CDKAL1: variants seen among roughly 807,000 people sequenced by gnomAD.
CDKAL1 encodes the protein CDKAL1 threonylcarbamoyladenosine tRNA methylthiotransferase.
CDKAL1 carries 32 observed loss-of-function variants against 68.2 expected under a neutral mutation model. That is an observed-to-expected ratio of 0.47 (90% confidence interval 0.35 to 0.63). CDKAL1 has a LOEUF of 0.63. CDKAL1 is among the 30% of genes least tolerant of loss of function. CDKAL1 has a pLI of 0.00. For missense variants in CDKAL1, 606 were observed against 696.7 expected, an observed-to-expected ratio of 0.87 and a Z score of 1.47; for synonymous variants, 234 against 244.3, an observed-to-expected ratio of 0.96 and a Z score of 0.39.
chr6:21,160,991 T>G (rs1776900960), intron 13 of CDKAL1, among the ~76,000 whole-genome samples: 2 of 139,470 alleles, frequency 1.4e-5, no homozygotes, highest in Non-Finnish European at 3.2e-5. Flanking sequence ...AAAATGCAAA[T>G]TAAGAAAAAA....
intron 10 of CDKAL1, among the ~76,000 whole-genome samples, chr6:20,974,955 G>A (rs1368473953): frequency 7.0e-6 from 1 of 142,068 alleles, no homozygotes; most frequent in Admixed American, 7.2e-5. Flanking sequence ...CTCCAGCCTG[G>A]GTGACAGAGG....
chr6:20,992,552 AATG>A (rs1264591219), intron 10 of CDKAL1, among the ~76,000 whole-genome samples: 7 of 152,180 alleles, frequency 4.6e-5, no homozygotes, highest in Non-Finnish European at 4.4e-5. Context: ...TTTTGCATGA[AATG>A]ATATATTTAA....
chr6:20,538,934 A>T (rs1321474691), intron 2 of CDKAL1, among the ~76,000 whole-genome samples: 2 of 152,238 alleles, frequency 1.3e-5, no homozygotes, highest in Non-Finnish European at 2.9e-5. Context: ...ACTGAAAAAG[A>T]GATGATGCCT....
At chr6:21,103,505 G>A (rs1296900064) in intron 12 of CDKAL1, among the ~76,000 whole-genome samples, 1 of 151,996 alleles carries the variant, frequency 6.6e-6, no homozygotes, top group Non-Finnish European at 1.5e-5. Flanking sequence ...TTTATGAAGT[G>A]CCTGTAAGAT....
At chr6:20,967,284 T>G (rs1000161503) in intron 10 of CDKAL1, among the ~76,000 whole-genome samples, 7 of 152,192 alleles carry the variant, frequency 4.6e-5, no homozygotes, top group African/African-American at 1.7e-4. Context: ...TTACATCTTT[T>G]TAGGGGACAC....
intron 6 of CDKAL1, among the ~76,000 whole-genome samples, chr6:20,747,546 G>A (rs750986552): frequency 2.0e-5 from 3 of 152,116 alleles, no homozygotes; most frequent in Non-Finnish European, 4.4e-5. Flanking sequence ...ATAGCTCATG[G>A]TGGTTTTGAT....
chr6:21,014,591 A>G (rs925287374), intron 11 of CDKAL1, among the ~76,000 whole-genome samples: 3 of 151,486 alleles, frequency 2.0e-5, no homozygotes, highest in Admixed American at 2.0e-4. Context: ...AGCCTGGGTG[A>G]CAGAGCGAGA....
chr6:20,777,022 A>G (rs1424619327), intron 7 of CDKAL1, among the ~76,000 whole-genome samples: 1 of 152,176 alleles, frequency 6.6e-6, no homozygotes, highest in Non-Finnish European at 1.5e-5. Context: ...GACTGAAGTT[A>G]CTGACATGTT....
intron 13 of CDKAL1, among the ~76,000 whole-genome samples, chr6:21,118,278 G>A (rs1008564041): frequency 3.9e-5 from 6 of 152,176 alleles, no homozygotes; most frequent in South Asian, 2.1e-4. Flanking sequence ...TGAGGAGGCC[G>A]TTACTGCTTT....
At chr6:20,634,039 A>G (rs149666329) in intron 4 of CDKAL1, among the ~76,000 whole-genome samples, 192 of 152,316 alleles carry the variant, frequency 1.3e-3, no homozygotes, top group African/African-American at 4.3e-3. Flanking sequence ...TTAAAATTCT[A>G]TACTCTAGAA....
At chr6:20,750,982 A>AG (rs1561744901) in intron 6 of CDKAL1, among the ~76,000 whole-genome samples, 1 of 110,286 alleles carries the variant, frequency 9.1e-6, no homozygotes, top group Non-Finnish European at 2.0e-5. Flanking sequence ...AAAAAAAAAA[A>AG]AAAGAAGTAA....
At chr6:20,702,382 C>G (rs1771405776) in intron 5 of CDKAL1, among the ~76,000 whole-genome samples, 1 of 152,190 alleles carries the variant, frequency 6.6e-6, no homozygotes, top group Non-Finnish European at 1.5e-5. Context: ...TCCCTTGTCA[C>G]AAGGACAGAG....
In CDKAL1 at chr6:21,090,048, A is replaced by T. The variant is rs1372169311; in HGVS notation, c.1237-18353A>T. ...TTCTTTGAATTTATGGAGAGACATC[A>T]TCTAGTCATTAATGAAGAAAGTTTT... On this transcript the variant is annotated intron_variant, in intron 12 of 15. Coordinates refer to ENST00000274695, the MANE Select transcript of CDKAL1 (RefSeq NM_017774.3). 2.0e-5 allele frequency among the ~76,000 whole-genome samples: 3 copies of T among 152,222 alleles called. No individual in the cohort carries two copies. In the East Asian group the frequency reaches 5.8e-4, roughly 29 times the overall value.
At chr6:21,220,049 G>A (rs73387996) in intron 15 of CDKAL1, among the ~76,000 whole-genome samples, 6,043 of 152,228 alleles carry the variant, frequency 0.04, 313 homozygotes, top group African/African-American at 0.12. Context: ...CTGTGGGGCA[G>A]CTTTCATTCA....
At chr6:20,555,077 T>G (rs191018166) in intron 4 of CDKAL1, among the ~76,000 whole-genome samples, 7 of 152,350 alleles carry the variant, frequency 4.6e-5, no homozygotes. Flanking sequence ...TTTATTCATT[T>G]GGCAAACATT....
chr6:21,183,006 A>G (rs1467842570), intron 13 of CDKAL1, among the ~76,000 whole-genome samples: 2 of 152,214 alleles, frequency 1.3e-5, no homozygotes, highest in Admixed American at 1.3e-4. Flanking sequence ...TTGCCTTGCA[A>G]TCTAAAATTC....
Position 20,750,951 on chromosome 6 carries a change from GAAAAAAAAAAAAAAAAA to G in CDKAL1, c.469-7626_469-7610del, listed in dbSNP as rs59244637. Among the ~76,000 whole-genome samples, 56 of 47,088 alleles carry G rather than the reference GAAAAAAAAAAAAAAAAA, an allele frequency of 1.2e-3. 1 individual carries two copies. The highest frequency in any genetic ancestry group is 1.5e-3 in the Non-Finnish European group (44 of 29,372). The allele number at this position is 47,088 out of a possible 152,430, so 30.9% of individuals were successfully genotyped here. On this transcript the variant is annotated intron_variant, in intron 6 of 15. Transcript: ENST00000274695. ...TGCACTCCAGGCTGAGCAACAGAGT[GAAAAAAAAAAAAAAAAA>G]AAAAAAAAAAAAAAAAAGAAGTAAC...
At chr6:21,192,015 T>TTTTTTTTTTTTTTTTTTTTTG (rs1778267653) in intron 13 of CDKAL1, among the ~76,000 whole-genome samples, 1 of 88,388 alleles carries the variant, frequency 1.1e-5, no homozygotes, top group Non-Finnish European at 2.4e-5. Context: ...TTTTTTTTTT[T>TTTTTTTTTTTTTTTTTTTTTG]TTTTTTTTTT....
chr6:21,023,774 A>G (rs1768809123), intron 11 of CDKAL1, among the ~76,000 whole-genome samples: 1 of 152,254 alleles, frequency 6.6e-6, no homozygotes, highest in Non-Finnish European at 1.5e-5. Context: ...AACAATAAAC[A>G]GAATGGCACA....
Sources: gnomAD v4.1 joint callset for allele counts (sites outside exome capture counted in the v4.1 genomes callset) on GRCh38, gnomAD v4.1.1 for gene constraint, MANE v1.5 for transcripts, NCBI Gene and HGNC (gene_info 2026-07-23, HGNC 2026-07-21) for gene names.